The following ARHGAP8 variants were observed in gnomAD, a reference collection of about 807,000 sequenced individuals.
ARHGAP8 encodes rho GTPase-activating protein 8.
Under a neutral mutation model 46.1 loss-of-function variants are expected in ARHGAP8, and 62 were observed. The observed-to-expected ratio is 1.34, with a 90% CI of 1.10 to 1.66. The LOEUF is 1.66. Among genes scored for constraint, ARHGAP8 ranks in the 40% most tolerant of loss-of-function variants. The pLI is 0.00. For missense variants in ARHGAP8, 923 were observed against 568.4 expected, an observed-to-expected ratio of 1.62 and a Z score of -6.34; for synonymous variants, 375 against 243.1, an observed-to-expected ratio of 1.54 and a Z score of -5.05.
In ARHGAP8 at chr22:44,776,929, G is replaced by A. The variant is rs151053190; in HGVS notation, c.-71-9528G>A. 9.3e-4 allele frequency among the ~76,000 whole-genome samples: 142 copies of A among 152,014 alleles called. 1 individual carries two copies. The East Asian group carries it at 0.018, about 19-fold the overall frequency. On this transcript the variant is annotated intron_variant, in intron 1 of 11. Coordinates refer to ENST00000356099, the MANE Select transcript of ARHGAP8 (RefSeq NM_181335.3). ...CCTGCCTGCTCTGTCCATCACCCTC[G>A]CTGTCTATGCAGCTTGGGACATGTC... is the stretch of plus-strand genomic sequence containing the variant.
intron 10 of ARHGAP8, among the ~76,000 whole-genome samples, chr22:44,855,091 T>C (rs1421881244): frequency 6.6e-6 from 1 of 152,264 alleles, no homozygotes; most frequent in African/African-American, 2.4e-5. Flanking sequence ...CATGTATCTC[T>C]AAGCCAATTT....
chr22:44,855,744 A>AC (rs2070204147), intron 10 of ARHGAP8, among the ~76,000 whole-genome samples: 1 of 152,128 alleles, frequency 6.6e-6, no homozygotes, highest in African/African-American at 2.4e-5. Context: ...ATCCAAAGTT[A>AC]CCCCACAGAT....
chr22:44,762,067 C>T (rs535115871), intron 1 of ARHGAP8, among the ~76,000 whole-genome samples: 7 of 152,320 alleles, frequency 4.6e-5, no homozygotes, highest in Non-Finnish European at 8.8e-5. Flanking sequence ...GGGAACACAG[C>T]CAAACCATAT....
intron 6 of ARHGAP8, among the ~76,000 whole-genome samples, chr22:44,823,791 G>T (rs943295011): frequency 6.6e-6 from 1 of 152,132 alleles, no homozygotes; most frequent in Non-Finnish European, 1.5e-5. Context: ...TGTGAAACAC[G>T]CAGCTCCGGC....
chr22:44,854,458 C>G (rs968966948), intron 10 of ARHGAP8, among the ~76,000 whole-genome samples: 1 of 151,828 alleles, frequency 6.6e-6, no homozygotes, highest in Non-Finnish European at 1.5e-5. Flanking sequence ...GTCTTGAACT[C>G]CTGACCTCAA....
intron 1 of ARHGAP8, among the ~76,000 whole-genome samples, chr22:44,784,999 A>C (rs1485544579): frequency 6.6e-6 from 1 of 152,192 alleles, no homozygotes; most frequent in Admixed American, 6.5e-5. Context: ...GGTGCTGAGT[A>C]AATACCAGGT....
chr22:44,854,236 T>TG (rs1197718421), intron 10 of ARHGAP8, among the ~76,000 whole-genome samples: 1 of 132,212 alleles, frequency 7.6e-6, no homozygotes, highest in East Asian at 3.2e-4. Context: ...TCCCCTTGTA[T>TG]CTTTTTTTTT....
chr22:44,788,307 C>T (rs1016431110), intron 2 of ARHGAP8, among the ~76,000 whole-genome samples: 2 of 152,050 alleles, frequency 1.3e-5, no homozygotes, highest in African/African-American at 2.4e-5. Context: ...TTAGTAGAGA[C>T]AGGGTTTTGC....
rs189604672 is a variant in ARHGAP8, at chr22:44,812,247, A to G, written c.300-2425A>G. 7.1e-3 allele frequency among the ~76,000 whole-genome samples: 1,083 copies of G among 152,132 alleles called. 7 individuals carry two copies. The highest frequency in any genetic ancestry group is 0.023 in the African/African-American group (975 of 41,490). ...AACTAATGGAAGCCACTGGAAGCTC[A>G]GTCTCAGGGTGAACCTTGCAGCAGC... On this transcript the variant is annotated intron_variant, in intron 4 of 11. Coordinates refer to ENST00000356099, the MANE Select transcript of ARHGAP8 (RefSeq NM_181335.3).
intron 2 of ARHGAP8, among the ~76,000 whole-genome samples, chr22:44,789,300 G>A (rs746208663): frequency 8.3e-4 from 126 of 151,912 alleles, no homozygotes; most frequent in Non-Finnish European, 1.8e-4. Flanking sequence ...ACAGGCACCC[G>A]CCACCAAGCC....
chr22:44,835,133 CTA>C (rs1378279672), intron 7 of ARHGAP8, among the ~76,000 whole-genome samples: 9 of 151,848 alleles, frequency 5.9e-5, no homozygotes, highest in African/African-American at 1.7e-4. Context: ...TATTTGTTTT[CTA>C]TATGTCTTTT....
intron 11 of ARHGAP8, among the ~76,000 whole-genome samples, chr22:44,860,870 G>A (rs1048181156): frequency 2.6e-5 from 4 of 152,218 alleles, no homozygotes; most frequent in African/African-American, 9.6e-5. Context: ...TGTGCAGGGT[G>A]AGGAGAGCCT....
chr22:44,766,898 C>T (rs1327755177), intron 1 of ARHGAP8, among the ~76,000 whole-genome samples: 1 of 150,910 alleles, frequency 6.6e-6, no homozygotes, highest in African/African-American at 2.4e-5. Context: ...TTTGGGGAGG[C>T]CTTGGGGTGG....
chr22:44,829,549 C>T (rs535534745), intron 7 of ARHGAP8, among the ~76,000 whole-genome samples: 5 of 152,286 alleles, frequency 3.3e-5, no homozygotes, highest in Admixed American at 6.5e-5. Context: ...TGTAAAAGTC[C>T]GGTCCTTAGC....
At chr22:44,806,498 C>T (rs1928929467) in intron 3 of ARHGAP8, among the ~76,000 whole-genome samples, 1 of 152,198 alleles carries the variant, frequency 6.6e-6, no homozygotes, top group Non-Finnish European at 1.5e-5. Flanking sequence ...AAGCCCAGCT[C>T]TGCCCCTTAC....
At chr22:44,827,362 T>TTTGG (rs869138373) in intron 7 of ARHGAP8, among the ~76,000 whole-genome samples, 1 of 139,938 alleles carries the variant, frequency 7.1e-6, no homozygotes, top group Admixed American at 7.2e-5. Flanking sequence ...TTTTTTTTTT[T>TTTGG]GAGACAGTCT....
At chr22:44,850,738 G>A (rs1181687089) in intron 10 of ARHGAP8, 1 of 152,064 alleles carries the variant, frequency 6.6e-6, no homozygotes, top group African/African-American at 2.4e-5. Context: ...GGCTGAGTTG[G>A]GTGGATCACT....
chr22:44,841,974 G>A lies in ARHGAP8; in HGVS notation c.597-3295G>A, dbSNP rs532667999. ...TCCTGATCAGCACCAGGTGCGGGGA[G>A]CACTGCCAAAATCTGCTTCTCATCC... On this transcript the variant is annotated intron_variant, in intron 7 of 11. Coordinates refer to ENST00000356099, the MANE Select transcript of ARHGAP8 (RefSeq NM_181335.3). Among the ~76,000 whole-genome samples, 36 of 152,296 alleles carry A rather than the reference G, an allele frequency of 2.4e-4. No homozygotes were observed. In the South Asian group the frequency reaches 5.6e-3, roughly 24 times the overall value.
chr22:44,825,726 G>A, intron 7 of ARHGAP8, 133 bp downstream of exon 7: 1 of 1,134,188 alleles, frequency 8.8e-7, no homozygotes, highest in Non-Finnish European at 1.2e-6. Flanking sequence ...GAAAGATAAA[G>A]CCTGAGCTCA....
Sources: gnomAD v4.1 joint callset for allele counts (sites outside exome capture counted in the v4.1 genomes callset) on GRCh38, gnomAD v4.1.1 for gene constraint, MANE v1.5 for transcripts, NCBI Gene and HGNC (gene_info 2026-07-23, HGNC 2026-07-21) for gene names.